Variants in DOCK3 observed in about 807,000 individuals in gnomAD.
DOCK3 encodes dedicator of cytokinesis 3.
A neutral mutation model predicts 265.6 loss-of-function variants in DOCK3; 60 were observed. The ratio of observed to expected loss-of-function variants is 0.23; its 90% CI spans 0.18 to 0.28. DOCK3 has a LOEUF of 0.28. Ranked by LOEUF, DOCK3 falls within the 10% of genes least tolerant of loss-of-function variation. DOCK3 has a pLI of 1.00. For missense variants in DOCK3, 1,981 were observed against 2,594.3 expected, an observed-to-expected ratio of 0.76 and a Z score of 5.14; for synonymous variants, 881 against 938.0, an observed-to-expected ratio of 0.94 and a Z score of 1.11.
intron 1 of DOCK3, among the ~76,000 whole-genome samples, chr3:50,764,614 T>C (rs2040745689): frequency 6.6e-6 from 1 of 152,088 alleles, no homozygotes; most frequent in Non-Finnish European, 1.5e-5. Flanking sequence ...CTTAACATAG[T>C]GTGAAAAAAT....
intron 5 of DOCK3, among the ~76,000 whole-genome samples, chr3:50,987,652 C>T (rs2077950967): frequency 6.6e-6 from 1 of 152,170 alleles, no homozygotes; most frequent in African/African-American, 2.4e-5. Flanking sequence ...CATCCAGGTA[C>T]TCACATTAGG....
chr3:50,919,271 GT>G (rs1188942788), intron 4 of DOCK3, among the ~76,000 whole-genome samples: 5 of 150,784 alleles, frequency 3.3e-5, no homozygotes, highest in African/African-American at 7.3e-5. Context: ...ATGAACTTTA[GT>G]TTTTTCCAGT....
At chr3:50,909,448 A>G (rs1170122780) in intron 4 of DOCK3, among the ~76,000 whole-genome samples, 1 of 151,834 alleles carries the variant, frequency 6.6e-6, no homozygotes, top group Admixed American at 6.6e-5. Flanking sequence ...TTTGAAAAGG[A>G]TCTTATCTCT....
At chr3:50,742,385 A>T (rs886456342) in intron 1 of DOCK3, among the ~76,000 whole-genome samples, 10 of 152,202 alleles carry the variant, frequency 6.6e-5, no homozygotes, top group Non-Finnish European at 1.3e-4. Context: ...GCTTCAGACG[A>T]TCAAACTACT....
chr3:50,721,542 G>T (rs1487625248), intron 1 of DOCK3, among the ~76,000 whole-genome samples: 1 of 150,894 alleles, frequency 6.6e-6, no homozygotes, highest in Non-Finnish European at 1.5e-5. Flanking sequence ...TGTTCAATTT[G>T]CCCATGTGTT....
At chr3:51,255,152 C>T (rs2079477194) in intron 22 of DOCK3, among the ~76,000 whole-genome samples, 1 of 152,208 alleles carries the variant, frequency 6.6e-6, no homozygotes, top group Admixed American at 6.5e-5. Flanking sequence ...ATATGAAATT[C>T]TGGTTTGAAA....
chr3:50,990,398 G>A (rs553965365), intron 5 of DOCK3, among the ~76,000 whole-genome samples: 1 of 152,224 alleles, frequency 6.6e-6, no homozygotes, highest in African/African-American at 2.4e-5. Context: ...AATGTTAAAG[G>A]AAGCTAGAGA....
chr3:51,344,951 A>G (rs950253925), intron 38 of DOCK3, among the ~76,000 whole-genome samples: 20 of 152,228 alleles, frequency 1.3e-4, no homozygotes, highest in Non-Finnish European at 1.3e-4. Context: ...GATGCCGGCA[A>G]GATAGATGAG....
Position 51,360,571 on chromosome 3 carries a change from A to C in DOCK3, c.4945A>C (p.Asn1649His). Reference sequence around the variant, plus strand: ...TTCAGGCACCAGCACCCCACGGGGAAATGTTCTGGCATCCCATAGCCCCAT... The same window carrying C: ...TTCAGGCACCAGCACCCCACGGGGACATGTTCTGGCATCCCATAGCCCCAT... The part of the protein sequence containing the change: ...ACSGTSTPRG[N>H]VLASHSPMSP... Residue 1649 changes from asparagine (N) to histidine (H), a missense_variant, in exon 47 of 53, where the codon AAT becomes CAT. Coordinates refer to ENST00000266037, the MANE Select transcript of DOCK3 (RefSeq NM_004947.5). 6.2e-7 allele frequency: 1 copy of C among 1,613,660 alleles called. No individual in the cohort carries two copies. The highest frequency in any genetic ancestry group is 8.5e-7 in the Non-Finnish European group (1 of 1,179,766).
chr3:51,018,209 C>T (rs757963462), intron 5 of DOCK3, among the ~76,000 whole-genome samples: 12 of 151,800 alleles, frequency 7.9e-5, no homozygotes, highest in Non-Finnish European at 1.5e-4. Flanking sequence ...TTTTATCTTT[C>T]ACCAAAACTC....
chr3:51,325,567 T>G (rs1010787190), intron 32 of DOCK3, among the ~76,000 whole-genome samples: 2 of 152,210 alleles, frequency 1.3e-5, no homozygotes, highest in Non-Finnish European at 2.9e-5. Flanking sequence ...ACTGGCTATA[T>G]ACCCAAAGGA....
chr3:50,920,960 A>G, intron 4 of DOCK3, among the ~76,000 whole-genome samples: 1 of 152,066 alleles, frequency 6.6e-6, no homozygotes, highest in Non-Finnish European at 1.5e-5. Flanking sequence ...CTTTGTTCTC[A>G]TTGGTTTCAA....
At chr3:50,896,730 CATTT>C (rs1255080255) in intron 4 of DOCK3, among the ~76,000 whole-genome samples, 1 of 152,118 alleles carries the variant, frequency 6.6e-6, no homozygotes, top group Non-Finnish European at 1.5e-5. Flanking sequence ...TTACCAACAC[CATTT>C]ATTAAGTAGG....
chr3:50,808,480 T>C (rs1407102549), intron 2 of DOCK3, among the ~76,000 whole-genome samples: 2 of 152,180 alleles, frequency 1.3e-5, no homozygotes, highest in Non-Finnish European at 1.5e-5. Context: ...AGACTGTGAT[T>C]TGGGGTAAAA....
chr3:51,220,502 C>T (rs1031994002), intron 14 of DOCK3, among the ~76,000 whole-genome samples: 17 of 151,406 alleles, frequency 1.1e-4, no homozygotes, highest in Non-Finnish European at 2.2e-4. Flanking sequence ...ACTAAAAATA[C>T]AAAAATTAGC....
At chr3:50,901,926 G>T (rs1215593913) in intron 4 of DOCK3, among the ~76,000 whole-genome samples, 1 of 152,126 alleles carries the variant, frequency 6.6e-6, no homozygotes. Flanking sequence ...CGGCCATCTT[G>T]CCATAAAGAA....
At chr3:51,088,337 C>T (rs181626129) in intron 7 of DOCK3, among the ~76,000 whole-genome samples, 2 of 152,206 alleles carry the variant, frequency 1.3e-5, no homozygotes, top group East Asian at 1.9e-4. Flanking sequence ...AATAAGTTCT[C>T]GTGTTTGATA....
intron 6 of DOCK3, among the ~76,000 whole-genome samples, chr3:51,073,445 A>C (rs4488874): frequency 6.6e-6 from 1 of 152,276 alleles, no homozygotes; most frequent in South Asian, 2.1e-4. Context: ...ATTGTTTCAG[A>C]TAAGTGAAGA....
In DOCK3 at chr3:51,010,301, C is replaced by T. The variant is rs191573554; in HGVS notation, c.316-54147C>T. On this transcript the variant is annotated intron_variant, in intron 5 of 52. Coordinates refer to ENST00000266037, the MANE Select transcript of DOCK3 (RefSeq NM_004947.5). ...GACTTGCTTTATGAATCTGGGTGCT[C>T]CTATATTTGGTGCATATACATTTAG... Among the ~76,000 whole-genome samples, 411 of 152,212 alleles carry T rather than the reference C, an allele frequency of 2.7e-3. 16 individuals are homozygous for T. The South Asian group carries it at 0.08, about 30-fold the overall frequency.
Sources: allele counts gnomAD v4.1 joint callset (sites outside exome capture counted in the v4.1 genomes callset), GRCh38; gene constraint gnomAD v4.1.1; transcripts MANE v1.5; gene names NCBI Gene and HGNC (gene_info 2026-07-23, HGNC 2026-07-21).